Variants in AGAP1 observed in about 807,000 individuals in gnomAD.
AGAP1 encodes arf-GAP with GTPase, ANK repeat and PH domain-containing protein 1.
Under a neutral mutation model 105.3 loss-of-function variants are expected in AGAP1, and 29 were observed. That is an observed-to-expected ratio of 0.28 (90% CI 0.21 to 0.38). The LOEUF (loss-of-function observed/expected upper bound fraction) is 0.38. AGAP1 is among the 10% of genes least tolerant of loss of function. The pLI is 1.00. For missense variants in AGAP1, 998 were observed against 1,165.1 expected, an observed-to-expected ratio of 0.86 and a Z score of 2.09; for synonymous variants, 509 against 485.9, an observed-to-expected ratio of 1.05 and a Z score of -0.63.
chr2:235,528,153 A>G (rs946693326), intron 1 of AGAP1, among the ~76,000 whole-genome samples: 2 of 151,998 alleles, frequency 1.3e-5, no homozygotes. Context: ...TGTTGCATTA[A>G]CTCCAGAAAG....
At chr2:235,567,803 G>A (rs1374894143) in intron 1 of AGAP1, among the ~76,000 whole-genome samples, 1 of 152,006 alleles carries the variant, frequency 6.6e-6, no homozygotes, top group Non-Finnish European at 1.5e-5. Flanking sequence ...AGGGGTCTGG[G>A]CCTGTAGGGG....
rs1297732123 is a variant in AGAP1, at chr2:236,076,742, C to T, written c.2114+27461C>T. Reference sequence around the variant, plus strand: ...CCAGCGCTATGAGCATACCTGGCAACAGACCACTTCCTAGAGAAATGCCTC... The same window carrying T: ...CCAGCGCTATGAGCATACCTGGCAATAGACCACTTCCTAGAGAAATGCCTC... On this transcript the variant is annotated intron_variant, in intron 16 of 17. Coordinates refer to ENST00000304032, the MANE Select transcript of AGAP1 (RefSeq NM_001037131.3). The surrounding 1 kb of genome is among the most constrained non-coding windows in gnomAD (Gnocchi z 4.4). Among the ~76,000 whole-genome samples the T allele has an allele frequency of 6.6e-6, 1 of 152,160 alleles. No homozygotes were observed. Among genetic ancestry groups the T allele is most frequent in the African/African-American group, 2.4e-5 (1 of 41,440 alleles).
rs544746414 is a variant in AGAP1 at position 236,027,092 on chromosome 2, C to T, written c.1646-9469C>T. 9.8e-5 allele frequency among the ~76,000 whole-genome samples: 15 copies of T among 152,322 alleles called. No individual in the cohort carries two copies. The highest frequency in any genetic ancestry group is 1.9e-4 in the Non-Finnish European group (13 of 68,024). On this transcript the variant is annotated intron_variant, in intron 13 of 17. Transcript: ENST00000304032. The surrounding 1 kb of genome is among the most constrained non-coding windows in gnomAD (Gnocchi z 4.4). ...ATGCAGTAGATTTGTTATGGATAAACAGATTTCTTCCTGGAAGTTGTAACA... is the reference window on the plus strand; with the variant it reads ...ATGCAGTAGATTTGTTATGGATAAATAGATTTCTTCCTGGAAGTTGTAACA...
intron 1 of AGAP1, among the ~76,000 whole-genome samples, chr2:235,702,636 A>G (rs1950308441): frequency 6.6e-6 from 1 of 152,294 alleles, no homozygotes; most frequent in Non-Finnish European, 1.5e-5. Context: ...GTCATATCAC[A>G]TGGATGACTT....
rs1388550820 is a variant in AGAP1, at chr2:236,096,113, A to G, written c.2115-24079A>G. Among the ~76,000 whole-genome samples, 2 of 152,212 alleles carry G rather than the reference A, an allele frequency of 1.3e-5. No homozygotes were observed. The highest frequency in any genetic ancestry group is 2.9e-5 in the Non-Finnish European group (2 of 68,046). On this transcript the variant is annotated intron_variant, in intron 16 of 17. Coordinates refer to ENST00000304032, the MANE Select transcript of AGAP1 (RefSeq NM_001037131.3). This position sits in a 1 kb window ranked among gnomAD's most constrained non-coding sequence, Gnocchi z 4.4. The stretch of plus-strand genomic sequence containing the variant: ...ATACTGATGATGGAACCGCAGTACT[A>G]TGTATCTTACCCTACCATGTGCATA...
intron 6 of AGAP1, chr2:235,773,890 TTTC>T (rs1205807417): frequency 2.9e-5 from 13 of 449,970 alleles, no homozygotes; most frequent in Middle Eastern, 3.3e-4. Flanking sequence ...AAGAGACTTT[TTTC>T]TTCTTTTCTT....
rs1251349657 is a variant in AGAP1, at chr2:235,631,265, G to A, written c.164-77914G>A. Among the ~76,000 whole-genome samples the A allele has an allele frequency of 6.6e-6, 1 of 152,202 alleles. No individual in the cohort carries two copies. The highest frequency in any genetic ancestry group is 1.5e-5 in the Non-Finnish European group (1 of 68,040). ...TGTCAGATCCCAGGGTAACAAAAGGGTGGTGTCCCCTAAAGGCTTGGAAGG... is the reference window on the plus strand; with the variant it reads ...TGTCAGATCCCAGGGTAACAAAAGGATGGTGTCCCCTAAAGGCTTGGAAGG... On this transcript the variant is annotated intron_variant, in intron 1 of 17. Transcript: ENST00000304032. The surrounding 1 kb of genome is among the most constrained non-coding windows in gnomAD (Gnocchi z 5.4).
rs1022380603 is a variant in AGAP1 at position 235,596,742 on chromosome 2, A to G, written c.163+101893A>G. Among the ~76,000 whole-genome samples the G allele has an allele frequency of 6.6e-6, 1 of 152,194 alleles. No individual in the cohort carries two copies. The highest frequency in any genetic ancestry group is 1.5e-5 in the Non-Finnish European group (1 of 68,026). On this transcript the variant is annotated intron_variant, in intron 1 of 17. Coordinates refer to ENST00000304032, the MANE Select transcript of AGAP1 (RefSeq NM_001037131.3). The surrounding 1 kb of genome is among the most constrained non-coding windows in gnomAD (Gnocchi z 5.9). ...TCTTCCTCTCTTGTGCCCCAGTCCT[A>G]GTGATGAGAAAAGCAATGATGTTTC... is the stretch of plus-strand genomic sequence containing the variant.
At position 235,573,085 on chromosome 2, in the gene AGAP1, C is replaced by CT. The variant is rs145548944; in HGVS notation, c.163+78238dup. Among the ~76,000 whole-genome samples the CT allele has an allele frequency of 1.8e-3, 202 of 110,444 alleles. 40 individuals are homozygous for CT. In the East Asian group the frequency reaches 0.032, roughly 17 times the overall value. The allele number at this position is 110,444 out of a possible 152,430, so 72.5% of individuals were successfully genotyped here. A position where few individuals can be genotyped will look rare whatever the true frequency, so the allele number is the denominator to read the frequency against. ...CTTTCTTCTTTCTTCTTTCTTCTTT[C>CT]TTCTTTCTTCTTCTTCTTCCTTTTT... On this transcript the variant is annotated intron_variant, in intron 1 of 17. Coordinates refer to ENST00000304032, the MANE Select transcript of AGAP1 (RefSeq NM_001037131.3).
In AGAP1 at chr2:235,628,688, T is replaced by G. The variant is rs1006602147; in HGVS notation, c.164-80491T>G. Among the ~76,000 whole-genome samples, 6 of 152,086 alleles carry G rather than the reference T, an allele frequency of 3.9e-5. No homozygotes were observed. The East Asian group carries it at 1.2e-3, about 29-fold the overall frequency. ...TTGGTTACATGAATAAGTTCTTTAG[T>G]GATGACTTGTAGAGATTCTGGTGCA... On this transcript the variant is annotated intron_variant, in intron 1 of 17. Coordinates refer to ENST00000304032, the MANE Select transcript of AGAP1 (RefSeq NM_001037131.3).
chr2:235,817,477 TTTAAC>T (rs567892129), intron 9 of AGAP1, among the ~76,000 whole-genome samples: 69 of 152,236 alleles, frequency 4.5e-4, no homozygotes, highest in African/African-American at 1.6e-3. Context: ...AGAATTTACT[TTTAAC>T]TGACTCACTG....
intron 16 of AGAP1, among the ~76,000 whole-genome samples, chr2:236,098,496 G>A (rs1473499576): frequency 8.6e-5 from 13 of 151,432 alleles, no homozygotes; most frequent in Admixed American, 7.9e-4. Context: ...CTTCAACCCA[G>A]GAGGCAGAGG....
chr2:235,910,475 G>A (rs933308413), intron 11 of AGAP1, among the ~76,000 whole-genome samples: 1 of 152,138 alleles, frequency 6.6e-6, no homozygotes, highest in African/African-American at 2.4e-5. Flanking sequence ...CAAGACATCC[G>A]TGAGATTTTT....
Position 235,789,612 on chromosome 2 carries a change from G to T in AGAP1, c.674-8147G>T, listed in dbSNP as rs932559868. Among the ~76,000 whole-genome samples, 1 of 151,658 alleles carries T rather than the reference G, an allele frequency of 6.6e-6. No homozygotes were observed. ...AACCACAGCCTATTTTAGATTAGAG[G>T]GTTGTTTGCTCAAAAAAAAAATACA... On this transcript the variant is annotated intron_variant, in intron 6 of 17. Coordinates refer to ENST00000304032, the MANE Select transcript of AGAP1 (RefSeq NM_001037131.3). The surrounding 1 kb of genome is among the most constrained non-coding windows in gnomAD (Gnocchi z 4.2).
rs957788471 is a variant in AGAP1, at chr2:235,608,076, C to T, written c.164-101103C>T. 4.6e-5 allele frequency among the ~76,000 whole-genome samples: 7 copies of T among 152,102 alleles called. No individual in the cohort carries two copies. Among genetic ancestry groups the T allele is most frequent in the Admixed American group, 2.0e-4 (3 of 15,262 alleles). ...TAGTCTGCCTGTCTCAGAGCGTGGG[C>T]GGGTTGGCATCGTCTGCACGTTGAC... On this transcript the variant is annotated intron_variant, in intron 1 of 17. Transcript: ENST00000304032. The surrounding 1 kb of genome is among the most constrained non-coding windows in gnomAD (Gnocchi z 5.4).
Position 235,901,244 on chromosome 2 carries a change from G to A in AGAP1, c.1156-7494G>A, listed in dbSNP as rs1447117204. ...GAATATAATATTAAATGGAGTTTGG[G>A]AATAGTAGTGAACTTTACAATGGCT... On this transcript the variant is annotated intron_variant, in intron 10 of 17. Coordinates refer to ENST00000304032, the MANE Select transcript of AGAP1 (RefSeq NM_001037131.3). The surrounding 1 kb of genome is among the most constrained non-coding windows in gnomAD (Gnocchi z 4.3). Among the ~76,000 whole-genome samples the A allele has an allele frequency of 6.6e-6, 1 of 151,578 alleles. No individual in the cohort carries two copies. Among genetic ancestry groups the A allele is most frequent in the African/African-American group, 2.4e-5 (1 of 41,322 alleles).
intron 16 of AGAP1, among the ~76,000 whole-genome samples, chr2:236,115,008 C>T (rs2059735691): frequency 1.3e-5 from 2 of 152,218 alleles, no homozygotes. Context: ...TTGGCAAGAC[C>T]TCTGGCCAAG....
At chr2:235,573,120 A>T (rs1473530854) in intron 1 of AGAP1, among the ~76,000 whole-genome samples, 13 of 93,060 alleles carry the variant, frequency 1.4e-4, no homozygotes, top group African/African-American at 3.4e-4. Flanking sequence ...TTTTTTTTTT[A>T]AAGATAGAAT....
intron 13 of AGAP1, among the ~76,000 whole-genome samples, chr2:236,011,258 C>T (rs1403631163): frequency 6.6e-6 from 1 of 152,200 alleles, no homozygotes; most frequent in Non-Finnish European, 1.5e-5. Context: ...GGCATTCTCT[C>T]CCAGGCCCAC....
Sources: gnomAD v4.1 joint callset for allele counts (sites outside exome capture counted in the v4.1 genomes callset) on GRCh38, gnomAD v4.1.1 for gene constraint, Gnocchi (gnomAD v3.1) non-coding constraint, MANE v1.5 for transcripts, NCBI Gene and HGNC (gene_info 2026-07-23, HGNC 2026-07-21) for gene names.